SAT2: variants seen among roughly 807,000 people sequenced by gnomAD.
SAT2 encodes the protein thialysine N-epsilon-acetyltransferase.
SAT2 carries 19 observed loss-of-function variants against 24.8 expected under a neutral mutation model. The ratio of observed to expected loss-of-function variants is 0.77; its 90% CI spans 0.53 to 1.12. SAT2 has a LOEUF of 1.12. Among genes scored for constraint, SAT2 ranks in the 50% most tolerant of loss-of-function variants. SAT2 has a pLI of 0.00. For synonymous variants in SAT2, 77 were observed against 77.4 expected (o/e 0.99, Z 0.03); for missense variants, 190 against 210.7 (o/e 0.90, Z 0.61).
Position 7,627,821 on chromosome 17 carries a change from G to A in SAT2, c.-186C>T, listed in dbSNP as rs1330213702. The A allele has an allele frequency of 2.3e-5, 16 of 694,682 alleles. No homozygotes were observed. The highest frequency in any genetic ancestry group is 3.7e-5 in the Non-Finnish European group (14 of 381,104). 43.0% of individuals were successfully genotyped at this position (694,682 alleles called of 1,614,324 possible). On this transcript the variant is annotated 5_prime_UTR_variant, in exon 1 of 6. Transcript: ENST00000269298. This position sits in a 1 kb window ranked among gnomAD's most constrained non-coding sequence, Gnocchi z 4.8. ...GATTCCGGCGCCGTACGGGAGGAGAGAGTAGGCCAGCGAGGCGATCCTCTG... is the reference window on the plus strand; with the variant it reads ...GATTCCGGCGCCGTACGGGAGGAGAAAGTAGGCCAGCGAGGCGATCCTCTG...
At position 7,626,445 on chromosome 17, in the gene SAT2, C is replaced by T. The variant is rs142728060; in HGVS notation, c.*2G>A. On this transcript the variant is annotated 3_prime_UTR_variant, in exon 6 of 6. Transcript: ENST00000269298. ...AAGACAGAGATCCTCCTAGGGATGGCGTCACTTTCCTGCCAACTTTCTCGT... is the reference window on the plus strand; with the variant it reads ...AAGACAGAGATCCTCCTAGGGATGGTGTCACTTTCCTGCCAACTTTCTCGT... 992 of 1,613,788 alleles carry T rather than the reference C, an allele frequency of 6.1e-4. 12 individuals are homozygous for T. The East Asian group carries it at 0.02, about 33-fold the overall frequency.
chr17:7,626,720 G>C lies in SAT2; in HGVS notation c.345+33C>G, dbSNP rs376444092. 3.5e-5 allele frequency: 57 copies of C among 1,613,914 alleles called. 1 individual carries two copies. In the African/African-American group the frequency reaches 6.5e-4, roughly 18 times the overall value. Reference sequence around the variant, plus strand: ...CCCTCCATATACCCTTGCTTCTTCAGGTCCTCACTTGTCGCCCCACCCATC... The same window carrying C: ...CCCTCCATATACCCTTGCTTCTTCACGTCCTCACTTGTCGCCCCACCCATC... On this transcript the variant is annotated intron_variant, in intron 5 of 5. Coordinates refer to ENST00000269298, the MANE Select transcript of SAT2 (RefSeq NM_133491.5).
rs756884426 is a variant in SAT2 at position 7,627,625 on chromosome 17, A to G, written c.11T>C (p.Val4Ala). The change falls in exon 1 of 6, where the codon GTG becomes GCG. Residue 4 changes from valine (V) to alanine (A), a missense_variant. Val to Ala is a moderately conservative substitution (Grantham distance 64). Transcript: ENST00000269298. This position sits in a 1 kb window ranked among gnomAD's most constrained non-coding sequence, Gnocchi z 4.8. ...TCCCTCCTTGGCCTCTCGGATCCGC[A>G]CGGAAGCCATCCGGATCCCCGCTGT... MAS[V>A]RIREAKEGDC... is the part of the protein sequence containing the mutation. 3 of 1,613,696 alleles carry G rather than the reference A, an allele frequency of 1.9e-6. No homozygotes were observed. In the South Asian group the frequency reaches 3.3e-5, roughly 18 times the overall value.
In SAT2 at chr17:7,627,276, G is replaced by A; in HGVS notation, c.119-50C>T. The A allele has an allele frequency of 6.8e-6, 11 of 1,612,066 alleles. No homozygotes were observed. Among genetic ancestry groups the A allele is most frequent in the Non-Finnish European group, 9.3e-6 (11 of 1,178,234 alleles). On this transcript the variant is annotated intron_variant, in intron 2 of 5. Coordinates refer to ENST00000269298, the MANE Select transcript of SAT2 (RefSeq NM_133491.5). This position sits in a 1 kb window ranked among gnomAD's most constrained non-coding sequence, Gnocchi z 4.8. ...AGAGATAGAGAAAGAGGACGTGGGT[G>A]TATGCCCAGCCTGGAGCTGTCGCCT...
In SAT2 at chr17:7,627,451, G is replaced by A; in HGVS notation, c.67-37C>T. ...GTACGGAAGCTAGATTAGAGCAGAA[G>A]GGCCCCGCTGCTCCCCGAGCAGGTT... On this transcript the variant is annotated intron_variant, in intron 1 of 5. Transcript: ENST00000269298. The surrounding 1 kb of genome is among the most constrained non-coding windows in gnomAD (Gnocchi z 4.8). 1 of 1,613,032 alleles carries A rather than the reference G, an allele frequency of 6.2e-7. No homozygotes were observed. Among genetic ancestry groups the A allele is most frequent in the Non-Finnish European group, 8.5e-7 (1 of 1,179,180 alleles).
chr17:7,627,695 T>C lies in SAT2; in HGVS notation c.-60A>G. Reference sequence around the variant, plus strand: ...GCCTCGCAAACGGCAACTAGACCCCTTAAAGGGCCTACGGACTTGGATCCT... The same window carrying C: ...GCCTCGCAAACGGCAACTAGACCCCCTAAAGGGCCTACGGACTTGGATCCT... On this transcript the variant is annotated 5_prime_UTR_variant, in exon 1 of 6. Transcript: ENST00000269298. This position sits in a 1 kb window ranked among gnomAD's most constrained non-coding sequence, Gnocchi z 4.8. 1 of 1,585,944 alleles carries C rather than the reference T, an allele frequency of 6.3e-7. No homozygotes were observed. Among genetic ancestry groups the C allele is most frequent in the South Asian group, 1.1e-5 (1 of 90,494 alleles).
rs2072222495 is a variant in SAT2, at chr17:7,626,786, C to A, written c.312G>T (p.Gly104=). 1.9e-6 allele frequency: 3 copies of A among 1,614,140 alleles called. No individual in the cohort carries two copies. The highest frequency in any genetic ancestry group is 1.3e-5 in the African/African-American group (1 of 75,014). ...IYVMPEYRGQ[G]IGSKIIKKVA... ...CCTTTTTGATTATTTTGGAACCAAT[C>A]CCTTGACCTGTTGTGGAGAGAAAGA... is the stretch of plus-strand genomic sequence containing the variant. The change falls in exon 5 of 6, where the codon GGG becomes GGT. Residue 104 remains glycine, a synonymous_variant. Transcript: ENST00000269298.
In SAT2 at chr17:7,627,438, G is replaced by C. The variant is rs1017638401; in HGVS notation, c.67-24C>G. The C allele has an allele frequency of 6.2e-6, 10 of 1,613,812 alleles. No homozygotes were observed. ...TCCTAAGGCGTGGGTACGGAAGCTA[G>C]ATTAGAGCAGAAGGGCCCCGCTGCT... On this transcript the variant is annotated intron_variant, in intron 1 of 5. Coordinates refer to ENST00000269298, the MANE Select transcript of SAT2 (RefSeq NM_133491.5). This position sits in a 1 kb window ranked among gnomAD's most constrained non-coding sequence, Gnocchi z 4.8.
chr17:7,626,559 T>G lies in SAT2; in HGVS notation c.401A>C (p.Gln134Pro), dbSNP rs747915418. The stretch of plus-strand genomic sequence containing the variant: ...GGCCTTGTACAAGTCCATGGCCCTC[T>G]GGTTCCAGTCCAGGACGGCCAGGCG... ...QFRLAVLDWN[Q>P]RAMDLYKALG... Residue 134 changes from glutamine (Q) to proline (P), a missense_variant, in exon 6 of 6, where the codon CAG becomes CCG. Physicochemically the swap from Gln to Pro is moderately conservative, Grantham distance 76. Transcript: ENST00000269298. 6.2e-7 allele frequency: 1 copy of G among 1,614,202 alleles called. No individual in the cohort carries two copies. The highest frequency in any genetic ancestry group is 8.5e-7 in the Non-Finnish European group (1 of 1,180,026).
chr17:7,627,016 G>A lies in SAT2; in HGVS notation c.231C>T (p.Tyr77=), dbSNP rs2072232717. Residue 77 remains tyrosine (Y), a synonymous_variant, in exon 4 of 6, where the codon TAC becomes TAT. Transcript: ENST00000269298. This position sits in a 1 kb window ranked among gnomAD's most constrained non-coding sequence, Gnocchi z 4.8. Reference sequence around the variant, plus strand: ...CCTTCCATGTACTGTAGATGAAATAGTATATCCCATAGCCCACCACGCAGG... The same window carrying A: ...CCTTCCATGTACTGTAGATGAAATAATATATCCCATAGCCCACCACGCAGG... ...LGPCVVGYGI[Y]YFIYSTWKGR... is the part of the protein sequence containing the mutation. The A allele has an allele frequency of 6.2e-7, 1 of 1,613,958 alleles. No individual in the cohort carries two copies. The highest frequency in any genetic ancestry group is 8.5e-7 in the Non-Finnish European group (1 of 1,179,962).
At chr17:7,626,718 C>T (rs1567762034) in intron 5 of SAT2, 35 bp downstream of exon 5, 4 of 1,614,010 alleles carry the variant, frequency 2.5e-6, no homozygotes, top group African/African-American at 2.7e-5. Context: ...CTTGCTTCTT[C>T]AGGTCCTCAC....
In SAT2 at chr17:7,627,577, A is replaced by G. The variant is rs938397606; in HGVS notation, c.59T>C (p.Leu20Pro). 6.2e-7 allele frequency: 1 copy of G among 1,610,312 alleles called. No individual in the cohort carries two copies. Among genetic ancestry groups the G allele is most frequent in the African/African-American group, 1.3e-5 (1 of 74,722 alleles). The part of the protein sequence containing the change: ...KEGDCGDILR[L>P]IRELAEFEKL... ...CCGGCCTGCAGTCTTCACCCGAATC[A>G]GCCTCAGGATATCTCCACAGTCTCC... The change falls in exon 1 of 6, where the codon CTG becomes CCG. Residue 20 changes from leucine (L) to proline (P), a missense_variant. Transcript: ENST00000269298. This position sits in a 1 kb window ranked among gnomAD's most constrained non-coding sequence, Gnocchi z 4.8.
chr17:7,626,886 A>T (rs900768432), intron 4 of SAT2, 57 bp downstream of exon 4: 79 of 1,602,496 alleles, frequency 4.9e-5, no homozygotes, highest in Non-Finnish European at 6.6e-5. Context: ...ACAGGGGATA[A>T]CAGTGGGGTC....
chr17:7,626,971 C>T lies in SAT2; in HGVS notation c.276G>A (p.Glu92=), dbSNP rs1160697558. The change falls in exon 4 of 6, where the codon GAG becomes GAA. Residue 92 remains glutamate (E), a synonymous_variant. Transcript: ENST00000269298. ...STWKGRTIYL[E]DIYVMPEYRG... The stretch of plus-strand genomic sequence containing the variant: ...GATATTCCGGCATCACATAGATATC[C>T]TCCAGATAAATGGTGCGTCCCTTCC... 2 of 1,614,002 alleles carry T rather than the reference C, an allele frequency of 1.2e-6. No individual in the cohort carries two copies. Among genetic ancestry groups the T allele is most frequent in the Non-Finnish European group, 1.7e-6 (2 of 1,179,974 alleles).
chr17:7,627,407 G>C lies in SAT2; in HGVS notation c.74C>G (p.Ala25Gly). 6.2e-7 allele frequency: 1 copy of C among 1,614,030 alleles called. No individual in the cohort carries two copies. The highest frequency in any genetic ancestry group is 8.5e-7 in the Non-Finnish European group (1 of 1,180,002). Residue 25 changes from alanine to glycine, a missense_variant, in exon 2 of 6, where the codon GCC (alanine) becomes GGC (glycine). Physicochemically the swap from Ala to Gly is moderately conservative, Grantham distance 60. Coordinates refer to ENST00000269298, the MANE Select transcript of SAT2 (RefSeq NM_133491.5). The surrounding 1 kb of genome is among the most constrained non-coding windows in gnomAD (Gnocchi z 4.8). ...CTGATCCGAGAGTTTTTCGAATTCG[G>C]CTAGCTCCTAAGGCGTGGGTACGGA... ...GDILRLIREL[A>G]EFEKLSDQVK...
rs1311163292 is a variant in SAT2, at chr17:7,626,389, A to G, written c.*58T>C. On this transcript the variant is annotated 3_prime_UTR_variant, in exon 6 of 6. Transcript: ENST00000269298. ...GTGTCTGTGGACGTAGTCTCTGAAG[A>G]GTGCTTCAGCTGATGGGGAAGGAGA... 1.3e-6 allele frequency: 2 copies of G among 1,581,334 alleles called. No individual in the cohort carries two copies. The highest frequency in any genetic ancestry group is 1.7e-6 in the Non-Finnish European group (2 of 1,156,834).
Position 7,626,950 on chromosome 17 carries a change from T to TC in SAT2, c.296_297insG (p.Tyr100IlefsTer16). The TC allele has an allele frequency of 1.2e-6, 2 of 1,613,776 alleles. No individual in the cohort carries two copies. The highest frequency in any genetic ancestry group is 1.7e-6 in the Non-Finnish European group (2 of 1,179,762). On this transcript the variant is annotated frameshift_variant, in exon 4 of 6. Transcript: ENST00000269298. LOFTEE classifies it high-confidence loss of function. ...TCAGCTTCTGCCCAGTACCCCGATATTCCGGCATCACATAGATATCCTCCA... is the reference window on the plus strand; with the variant it reads ...TCAGCTTCTGCCCAGTACCCCGATATCTCCGGCATCACATAGATATCCTCCA...
Position 7,627,779 on chromosome 17 carries a change from C to A in SAT2, c.-144G>T. On this transcript the variant is annotated 5_prime_UTR_variant, in exon 1 of 6. In the 5' UTR this introduces an upstream ATG that the reference lacks. Transcript: ENST00000269298. The surrounding 1 kb of genome is among the most constrained non-coding windows in gnomAD (Gnocchi z 4.8). Reference sequence around the variant, plus strand: ...GGGGGGACGGCGGGGTAGCCGCGGCCTGGTAAGTGGAGCTGGGATTCCGGC... The same window carrying A: ...GGGGGGACGGCGGGGTAGCCGCGGCATGGTAAGTGGAGCTGGGATTCCGGC... 1.1e-6 allele frequency: 1 copy of A among 914,868 alleles called. No individual in the cohort carries two copies. Among genetic ancestry groups the A allele is most frequent in the Non-Finnish European group, 1.8e-6 (1 of 567,706 alleles). The allele number at this position is 914,868 out of a possible 1,614,324, so 56.7% of individuals were successfully genotyped here. A position where few individuals can be genotyped will look rare whatever the true frequency, so the allele number is the denominator to read the frequency against.
Position 7,627,542 on chromosome 17 carries a change from C to T in SAT2, c.66+28G>A, listed in dbSNP as rs775606242. The T allele has an allele frequency of 6.2e-6, 10 of 1,606,236 alleles. No homozygotes were observed. In the Admixed American group the frequency reaches 1.5e-4, roughly 24 times the overall value. Reference sequence around the variant, plus strand: ...CCCGCTCTGGCCGCGCCACTCTGACCCCCGGGTTACCGGCCTGCAGTCTTC... The same window carrying T: ...CCCGCTCTGGCCGCGCCACTCTGACTCCCGGGTTACCGGCCTGCAGTCTTC... On this transcript the variant is annotated intron_variant, in intron 1 of 5. Coordinates refer to ENST00000269298, the MANE Select transcript of SAT2 (RefSeq NM_133491.5). This position sits in a 1 kb window ranked among gnomAD's most constrained non-coding sequence, Gnocchi z 4.8.
Sources: allele counts gnomAD v4.1 joint callset, GRCh38; gene constraint gnomAD v4.1.1; non-coding constraint Gnocchi (gnomAD v3.1); transcripts MANE v1.5; gene names NCBI Gene and HGNC (gene_info 2026-07-23, HGNC 2026-07-21).